VWC2: variants seen among roughly 807,000 people sequenced by gnomAD.
VWC2 encodes the protein brorin.
Under a neutral mutation model 29.8 loss-of-function variants are expected in VWC2, and 14 were observed. The ratio of observed to expected loss-of-function variants is 0.47; its 90% confidence interval spans 0.31 to 0.74. The LOEUF is 0.74. VWC2 is among the 30% of genes least tolerant of loss of function. The pLI is 0.05. For synonymous variants in VWC2, 213 were observed against 199.0 expected, an observed-to-expected ratio of 1.07 and a Z score of -0.59; for missense variants, 457 against 459.8, an observed-to-expected ratio of 0.99 and a Z score of 0.05.
chr7:49,833,071 G>T (rs557063265), intron 3 of VWC2, among the ~76,000 whole-genome samples: 2 of 152,210 alleles, frequency 1.3e-5, no homozygotes, highest in Admixed American at 6.5e-5. Flanking sequence ...TACTATGAAG[G>T]TTAGGCTAAT....
intron 2 of VWC2, among the ~76,000 whole-genome samples, chr7:49,793,092 G>A (rs752177517): frequency 1.8e-4 from 27 of 152,214 alleles, no homozygotes; most frequent in Non-Finnish European, 3.4e-4. Flanking sequence ...AAGAGCTGCA[G>A]CCCAGTAAAG....
Position 49,919,012 on chromosome 7 carries a change from G to A in VWC2, c.*6827G>A, listed in dbSNP as rs62445817. 0.19 allele frequency: 28,119 copies of A among 150,576 alleles called. 3,745 individuals carry two copies. Among genetic ancestry groups the A allele is most frequent in the East Asian group, 0.63 (3,248 of 5,124 alleles). 9.3% of individuals were successfully genotyped at this position (150,576 alleles called of 1,614,324 possible). On this transcript the variant is annotated 3_prime_UTR_variant, in exon 4 of 4. Transcript: ENST00000340652. Reference sequence around the variant, plus strand: ...TGGAGGTTGCTTGAGCCGAGATCGCGTCACTGCACTCCAGCCTGGGTAACA... The same window carrying A: ...TGGAGGTTGCTTGAGCCGAGATCGCATCACTGCACTCCAGCCTGGGTAACA...
intron 3 of VWC2, among the ~76,000 whole-genome samples, chr7:49,875,473 A>C (rs1377576540): frequency 6.6e-6 from 1 of 151,340 alleles, no homozygotes; most frequent in Admixed American, 6.6e-5. Context: ...GTTCACTCAC[A>C]ATGTGGAGTC....
intron 3 of VWC2, among the ~76,000 whole-genome samples, chr7:49,838,199 A>T (rs1457660332): frequency 1.3e-5 from 2 of 152,244 alleles, no homozygotes; most frequent in African/African-American, 2.4e-5. Context: ...GGCAGGGCTT[A>T]TAACCTCAGT....
chr7:49,796,406 G>C (rs1788590750), intron 2 of VWC2, among the ~76,000 whole-genome samples: 1 of 152,110 alleles, frequency 6.6e-6, no homozygotes, highest in African/African-American at 2.4e-5. Flanking sequence ...GGATTTCCTG[G>C]CACCTATTCC....
intron 3 of VWC2, among the ~76,000 whole-genome samples, chr7:49,875,388 A>AAAAC (rs1791366340): frequency 6.7e-6 from 1 of 149,902 alleles, no homozygotes; most frequent in African/African-American, 2.4e-5. Flanking sequence ...AAAAAAAAAA[A>AAAAC]AAAAAAAAAC....
At chr7:49,848,077 G>T (rs532732951) in intron 3 of VWC2, among the ~76,000 whole-genome samples, 1 of 152,188 alleles carries the variant, frequency 6.6e-6, no homozygotes, top group Non-Finnish European at 1.5e-5. Context: ...GGTCTCAGTC[G>T]CTAATTAGAT....
At chr7:49,892,075 C>T (rs910701365) in intron 3 of VWC2, among the ~76,000 whole-genome samples, 4 of 115,932 alleles carry the variant, frequency 3.5e-5, no homozygotes, top group South Asian at 3.0e-4. Context: ...GACGGAGTCT[C>T]GCTCTGTGGC....
chr7:49,825,744 G>A (rs916094821), intron 3 of VWC2, among the ~76,000 whole-genome samples: 1 of 152,184 alleles, frequency 6.6e-6, no homozygotes, highest in Non-Finnish European at 1.5e-5. Context: ...TGGGAAAGTT[G>A]TACAATCAAA....
At chr7:49,846,408 C>T (rs1056967048) in intron 3 of VWC2, among the ~76,000 whole-genome samples, 1 of 152,180 alleles carries the variant, frequency 6.6e-6, no homozygotes, top group Non-Finnish European at 1.5e-5. Flanking sequence ...GGGCTCCAGC[C>T]CTGTGGGACA....
At chr7:49,880,775 T>C (rs1459298485) in intron 3 of VWC2, among the ~76,000 whole-genome samples, 1 of 152,026 alleles carries the variant, frequency 6.6e-6, no homozygotes, top group Non-Finnish European at 1.5e-5. Context: ...GGCACATGTA[T>C]ACATAGGCAT....
chr7:49,836,398 GT>G (rs1272879880), intron 3 of VWC2, among the ~76,000 whole-genome samples: 1 of 151,390 alleles, frequency 6.6e-6, no homozygotes, highest in African/African-American at 2.4e-5. Flanking sequence ...GGAGGCAGAA[GT>G]GGGCAGATCA....
chr7:49,848,194 G>A (rs77142543), intron 3 of VWC2, among the ~76,000 whole-genome samples: 478 of 152,286 alleles, frequency 3.1e-3, no homozygotes, highest in African/African-American at 0.011. Context: ...TTTGAGTGAC[G>A]TATGAGTTTT....
chr7:49,776,093 T>A lies in VWC2; in HGVS notation c.658T>A (p.Phe220Ile), dbSNP rs1788048606. Reference sequence around the variant, plus strand: ...CAAGGAGAGGAAGAACTACTGCGAGTTCCGGGGCAAGACCTATCAGACTTT... The same window carrying A: ...CAAGGAGAGGAAGAACTACTGCGAGATCCGGGGCAAGACCTATCAGACTTT... Reference protein sequence around the residue: ...QCKERKNYCEFRGKTYQTLEE... With the variant: ...QCKERKNYCEIRGKTYQTLEE... The change falls in exon 2 of 4, where the codon TTC becomes ATC. Residue 220 changes from phenylalanine (F) to isoleucine (I), a missense_variant. This residue lies in a region of VWC2 where 185 missense variants were observed against 257.1 expected (regional missense o/e 0.72). Coordinates refer to ENST00000340652, the MANE Select transcript of VWC2 (RefSeq NM_198570.5). 1.4e-5 allele frequency: 22 copies of A among 1,550,890 alleles called. No individual in the cohort carries two copies. The highest frequency in any genetic ancestry group is 1.8e-5 in the Non-Finnish European group (21 of 1,154,288).
intron 2 of VWC2, among the ~76,000 whole-genome samples, chr7:49,786,634 A>G (rs984995037): frequency 1.3e-5 from 2 of 152,098 alleles, no homozygotes; most frequent in Non-Finnish European, 2.9e-5. Context: ...CTGCAGCCTC[A>G]CAAGCATCTG....
At chr7:49,838,766 T>C (rs1789725498) in intron 3 of VWC2, among the ~76,000 whole-genome samples, 1 of 152,180 alleles carries the variant, frequency 6.6e-6, no homozygotes. Flanking sequence ...CTTTTTAACT[T>C]ATATTAAATC....
intron 2 of VWC2, among the ~76,000 whole-genome samples, chr7:49,782,582 T>A (rs551025581): frequency 6.6e-6 from 1 of 150,916 alleles, no homozygotes; most frequent in African/African-American, 2.4e-5. Flanking sequence ...TGGTGACTCA[T>A]CCCTGTAATC....
chr7:49,864,908 T>G (rs189146497), intron 3 of VWC2, among the ~76,000 whole-genome samples: 54 of 152,314 alleles, frequency 3.5e-4, no homozygotes, highest in African/African-American at 1.2e-3. Flanking sequence ...CTGTAAACCT[T>G]TGACTGTTTT....
At chr7:49,787,003 G>A (rs972789094) in intron 2 of VWC2, among the ~76,000 whole-genome samples, 1 of 152,132 alleles carries the variant, frequency 6.6e-6, no homozygotes, top group Non-Finnish European at 1.5e-5. Context: ...AACAGGTACT[G>A]GGAGCCAGCT....
Sources: gnomAD v4.1 joint callset for allele counts (sites outside exome capture counted in the v4.1 genomes callset) on GRCh38, gnomAD v4.1.1 for gene constraint, gnomAD v4.1.1 regional missense constraint, MANE v1.5 for transcripts, NCBI Gene and HGNC (gene_info 2026-07-23, HGNC 2026-07-21) for gene names.